The following DOCK3 variants were observed in gnomAD, a reference collection of about 807,000 sequenced individuals.
DOCK3 encodes the protein dedicator of cytokinesis protein 3.
Under a neutral mutation model 265.6 loss-of-function variants are expected in DOCK3, and 60 were observed. The ratio of observed to expected loss-of-function variants is 0.23; its 90% CI spans 0.18 to 0.28. The LOEUF (loss-of-function observed/expected upper bound fraction) is 0.28. Among genes scored for constraint, DOCK3 ranks in the 10% least tolerant of loss-of-function variants. DOCK3 has a pLI of 1.00. For missense variants in DOCK3, 1,981 were observed against 2,594.3 expected, an observed-to-expected ratio of 0.76 and a Z score of 5.14; for synonymous variants, 881 against 938.0, an observed-to-expected ratio of 0.94 and a Z score of 1.11.
chr3:51,302,524 G>A (rs2082410639), intron 27 of DOCK3, among the ~76,000 whole-genome samples: 1 of 151,904 alleles, frequency 6.6e-6, no homozygotes, highest in African/African-American at 2.4e-5. Context: ...TAGTGTCATT[G>A]GCCTTTGTAC....
At chr3:51,037,184 A>G (rs181846987) in intron 5 of DOCK3, among the ~76,000 whole-genome samples, 163 of 152,332 alleles carry the variant, frequency 1.1e-3, no homozygotes, top group African/African-American at 3.7e-3. Context: ...AGTTTAAAAA[A>G]ATATAATGCA....
intron 12 of DOCK3, among the ~76,000 whole-genome samples, chr3:51,166,192 A>G (rs1305755147): frequency 7.2e-5 from 11 of 151,790 alleles, no homozygotes; most frequent in African/African-American, 2.7e-4. Context: ...CTGGTATTAC[A>G]GGTGCCCACC....
chr3:50,999,287 G>A (rs866945849), intron 5 of DOCK3, among the ~76,000 whole-genome samples: 4 of 152,254 alleles, frequency 2.6e-5, no homozygotes, highest in Non-Finnish European at 4.4e-5. Context: ...GAGAGGGTTC[G>A]TTGAAAGACC....
intron 23 of DOCK3, among the ~76,000 whole-genome samples, chr3:51,265,727 A>T (rs770128206): frequency 6.6e-6 from 1 of 152,222 alleles, no homozygotes. Flanking sequence ...ATTTATGACA[A>T]ACCCACAGCC....
At chr3:51,029,672 T>C (rs745724316) in intron 5 of DOCK3, among the ~76,000 whole-genome samples, 25 of 152,166 alleles carry the variant, frequency 1.6e-4, no homozygotes, top group Non-Finnish European at 2.9e-4. Context: ...CAGTTTGTGT[T>C]GAAGGTTATA....
At chr3:51,118,365 G>A (rs1405154894) in intron 9 of DOCK3, among the ~76,000 whole-genome samples, 1 of 152,158 alleles carries the variant, frequency 6.6e-6, no homozygotes, top group East Asian at 1.9e-4. Flanking sequence ...GCTGAGGAGT[G>A]CTTTACTTCC....
At chr3:51,213,444 G>A (rs2089621394) in intron 13 of DOCK3, among the ~76,000 whole-genome samples, 1 of 152,066 alleles carries the variant, frequency 6.6e-6, no homozygotes, top group Non-Finnish European at 1.5e-5. Flanking sequence ...CAACTCCAAG[G>A]GTGTAAGTAG....
intron 1 of DOCK3, among the ~76,000 whole-genome samples, chr3:50,703,898 T>A (rs536661539): frequency 1.9e-4 from 29 of 152,222 alleles, no homozygotes; most frequent in African/African-American, 6.7e-4. Flanking sequence ...TCTACTTTTT[T>A]AATATAGGTG....
chr3:51,176,558 G>A (rs539634768), intron 12 of DOCK3, among the ~76,000 whole-genome samples: 9 of 152,254 alleles, frequency 5.9e-5, no homozygotes, highest in East Asian at 5.8e-4. Context: ...CTCAGGAGGC[G>A]GAGCTTGCAG....
At chr3:51,272,724 A>G (rs2080575745) in intron 24 of DOCK3, among the ~76,000 whole-genome samples, 1 of 152,044 alleles carries the variant, frequency 6.6e-6, no homozygotes, top group African/African-American at 2.4e-5. Flanking sequence ...TGCCACCAAG[A>G]AAGTCATCTT....
intron 1 of DOCK3, among the ~76,000 whole-genome samples, chr3:50,705,525 C>T (rs964296923): frequency 6.6e-6 from 1 of 152,162 alleles, no homozygotes; most frequent in Admixed American, 6.5e-5. Flanking sequence ...AAGCAGTTCT[C>T]CTGCCTCAGC....
intron 5 of DOCK3, among the ~76,000 whole-genome samples, chr3:50,939,865 G>A (rs2076236240): frequency 6.6e-6 from 1 of 152,080 alleles, no homozygotes; most frequent in East Asian, 1.9e-4. Context: ...AACCAATGGA[G>A]TAAAGCAAGA....
intron 2 of DOCK3, among the ~76,000 whole-genome samples, chr3:50,812,866 T>G (rs1019983999): frequency 6.6e-6 from 1 of 152,254 alleles, no homozygotes; most frequent in African/African-American, 2.4e-5. Flanking sequence ...AACTCAGGTA[T>G]TACTAACCAG....
intron 5 of DOCK3, among the ~76,000 whole-genome samples, chr3:51,021,897 G>C (rs1239834109): frequency 2.0e-5 from 3 of 152,034 alleles, no homozygotes; most frequent in Middle Eastern, 3.2e-3. Flanking sequence ...TCCTGACCTT[G>C]TGATCTGCCT....
At chr3:50,860,746 C>G (rs1261348708) in intron 3 of DOCK3, among the ~76,000 whole-genome samples, 1 of 152,224 alleles carries the variant, frequency 6.6e-6, no homozygotes, top group Non-Finnish European at 1.5e-5. Context: ...GCCCCTCCCC[C>G]TGGGAGCTCC....
In DOCK3 at chr3:51,146,780, A is replaced by G. The variant is rs1365239891; in HGVS notation, c.828+150A>G. The G allele has an allele frequency of 1.2e-5, 8 of 679,832 alleles. No homozygotes were observed. The South Asian group carries it at 1.5e-4, about 13-fold the overall frequency. The allele number at this position is 679,832 out of a possible 1,614,324, so 42.1% of individuals were successfully genotyped here. Reference sequence around the variant, plus strand: ...TGATTTATGTTTCTATTAGGTTTTAATGAAATATTTATAGAAAACTGAAAT... The same window carrying G: ...TGATTTATGTTTCTATTAGGTTTTAGTGAAATATTTATAGAAAACTGAAAT... On this transcript the variant is annotated intron_variant, in intron 10 of 52. Coordinates refer to ENST00000266037, the MANE Select transcript of DOCK3 (RefSeq NM_004947.5).
intron 16 of DOCK3, among the ~76,000 whole-genome samples, chr3:51,227,705 AGTATTCCTTTGT>A (rs2108374297): frequency 6.6e-6 from 1 of 152,312 alleles, no homozygotes; most frequent in African/African-American, 2.4e-5. Context: ...TTCTCCTTTG[AGTATTCCTTTGT>A]ACCATTATTA....
At chr3:50,983,928 G>T in intron 5 of DOCK3, among the ~76,000 whole-genome samples, 1 of 152,176 alleles carries the variant, frequency 6.6e-6, no homozygotes, top group East Asian at 1.9e-4. Flanking sequence ...GGTGTCTCCA[G>T]GCTTCCTGTT....
chr3:51,298,340 T>G (rs1359793374), intron 27 of DOCK3, among the ~76,000 whole-genome samples: 1 of 152,272 alleles, frequency 6.6e-6, no homozygotes, highest in Non-Finnish European at 1.5e-5. Flanking sequence ...CTCTTTTTCT[T>G]TCTTGGTCAA....
Sources: gnomAD v4.1 joint callset for allele counts (sites outside exome capture counted in the v4.1 genomes callset) on GRCh38, gnomAD v4.1.1 for gene constraint, MANE v1.5 for transcripts, NCBI Gene and HGNC (gene_info 2026-07-23, HGNC 2026-07-21) for gene names.